Variants in LRRC39 observed in about 807,000 individuals in gnomAD.
The protein encoded by LRRC39 is leucine rich repeat containing 39.
In LRRC39, 35 loss-of-function variants were observed where a neutral mutation model predicts 39.7. The ratio of observed to expected loss-of-function variants is 0.88; its 90% CI spans 0.67 to 1.17. The LOEUF is 1.17. Among genes scored for constraint, LRRC39 ranks in the 50% most tolerant of loss-of-function variants. The pLI is 0.00. For missense variants in LRRC39, 357 were observed against 385.8 expected, an observed-to-expected ratio of 0.93 and a Z score of 0.62; for synonymous variants, 113 against 134.1, an observed-to-expected ratio of 0.84 and a Z score of 1.09.
At chr1:100,156,724 T>C (rs1658468385) in intron 6 of LRRC39, among the ~76,000 whole-genome samples, 1 of 152,192 alleles carries the variant, frequency 6.6e-6, no homozygotes, top group Non-Finnish European at 1.5e-5. Context: ...ATGCCTATAA[T>C]CCTAGCATTT....
chr1:100,159,536 A>G (rs1658716129), intron 4 of LRRC39, 121 bp from the exon 5 acceptor site: 2 of 584,758 alleles, frequency 3.4e-6, no homozygotes, highest in East Asian at 5.4e-5. Context: ...TGTTTTCCTT[A>G]GTGGGTTACT....
At chr1:100,151,259 C>G (rs1262959674) in intron 9 of LRRC39, among the ~76,000 whole-genome samples, 1 of 152,086 alleles carries the variant, frequency 6.6e-6, no homozygotes, top group Non-Finnish European at 1.5e-5. Context: ...TCCAGTTGCC[C>G]TCTAAACCAA....
intron 2 of LRRC39, among the ~76,000 whole-genome samples, chr1:100,171,564 G>A (rs754056326): frequency 1.1e-4 from 16 of 147,810 alleles, no homozygotes; most frequent in Non-Finnish European, 2.1e-4. Context: ...GTGCAGAGGC[G>A]TGATCTCGGC....
intron 3 of LRRC39, among the ~76,000 whole-genome samples, chr1:100,162,382 G>T (rs549307887): frequency 1.3e-5 from 2 of 152,102 alleles, no homozygotes; most frequent in African/African-American, 4.8e-5. Context: ...GGCCAGGCAC[G>T]GTGGCTCACA....
At chr1:100,151,059 G>A (rs958222496) in intron 9 of LRRC39, among the ~76,000 whole-genome samples, 5 of 130,310 alleles carry the variant, frequency 3.8e-5, no homozygotes, top group Admixed American at 9.9e-5. Context: ...CCTGGGAGGC[G>A]AAATTTGCCA....
chr1:100,173,908 A>C (rs1570781913), intron 1 of LRRC39, among the ~76,000 whole-genome samples: 1 of 152,216 alleles, frequency 6.6e-6, no homozygotes, highest in East Asian at 1.9e-4. Flanking sequence ...TATACAGAAA[A>C]CTAAAAATTA....
intron 2 of LRRC39, among the ~76,000 whole-genome samples, chr1:100,170,668 C>A (rs181187646): frequency 3.0e-4 from 46 of 152,016 alleles, no homozygotes. Context: ...ATCTTTATTT[C>A]TTTCGTTTCT....
chr1:100,158,513 C>T (rs1658635173), intron 5 of LRRC39, 146 bp from the exon 6 acceptor site: 2 of 592,788 alleles, frequency 3.4e-6, no homozygotes, highest in East Asian at 7.3e-5. Context: ...TCTCGGCTCA[C>T]TGCAAGCTCC....
intron 6 of LRRC39, 118 bp from the exon 7 acceptor site, chr1:100,156,435 A>C: frequency 2.2e-6 from 2 of 925,750 alleles, no homozygotes; most frequent in East Asian, 2.8e-5. Flanking sequence ...CTTGGGCTTT[A>C]TTTAGTCATA....
chr1:100,168,364 A>G, intron 3 of LRRC39, 40 bp downstream of exon 3: 1 of 1,432,058 alleles, frequency 7.0e-7, no homozygotes, highest in Non-Finnish European at 9.6e-7. Flanking sequence ...GATAATATGA[A>G]TTTTCACTAA....
intron 2 of LRRC39, among the ~76,000 whole-genome samples, chr1:100,171,448 G>GA (rs1659591197): frequency 6.7e-6 from 1 of 148,802 alleles, no homozygotes; most frequent in East Asian, 2.0e-4. Flanking sequence ...AAGATACCTG[G>GA]AAAAAAAGCC....
chr1:100,170,717 T>G (rs1304700478), intron 2 of LRRC39, among the ~76,000 whole-genome samples: 2 of 152,182 alleles, frequency 1.3e-5, no homozygotes, highest in Non-Finnish European at 2.9e-5. Context: ...TTCTTCTTTC[T>G]TTCTTTGCTC....
chr1:100,153,288 T>C (rs1658193859), intron 8 of LRRC39, among the ~76,000 whole-genome samples: 1 of 152,106 alleles, frequency 6.6e-6, no homozygotes, highest in South Asian at 2.1e-4. Flanking sequence ...GGAAGAAAAA[T>C]ACTTGAGGGA....
intron 1 of LRRC39, among the ~76,000 whole-genome samples, chr1:100,174,126 C>T (rs1659810421): frequency 6.6e-6 from 1 of 152,158 alleles, no homozygotes; most frequent in African/African-American, 2.4e-5. Flanking sequence ...AGCCCAGACA[C>T]TCTTGCCAAA....
chr1:100,149,151 ATT>A (rs1285053595), intron 9 of LRRC39, 54 bp from the exon 10 acceptor site: 1 of 1,554,180 alleles, frequency 6.4e-7, no homozygotes, highest in Admixed American at 2.2e-5. Context: ...GTTTGTATTA[ATT>A]TTGGAAATTT....
chr1:100,160,567 C>T lies in LRRC39; in HGVS notation c.118G>A (p.Val40Met). ...CTTACTCGTTCTTCCCAGATCCGCA[C>T]TAGCCTAGGAAACCAGGAAATCATT... Reference protein sequence around the residue: ...KREKEFQHKLVRIWEERVSLT... With the variant: ...KREKEFQHKLMRIWEERVSLT... Residue 40 changes from valine to methionine, a missense_variant, in exon 4 of 10, where the codon GTG becomes ATG. Val to Met is a conservative substitution (Grantham distance 21). Transcript: ENST00000370137. 4.4e-6 allele frequency: 7 copies of T among 1,608,636 alleles called. No individual in the cohort carries two copies. The highest frequency in any genetic ancestry group is 5.9e-6 in the Non-Finnish European group (7 of 1,177,546).
chr1:100,163,245 G>A (rs969668655), intron 3 of LRRC39, among the ~76,000 whole-genome samples: 6 of 152,158 alleles, frequency 3.9e-5, no homozygotes, highest in African/African-American at 1.4e-4. Flanking sequence ...GCAAGATTTA[G>A]TAACAAGTAA....
At chr1:100,164,719 T>G (rs942218952) in intron 3 of LRRC39, among the ~76,000 whole-genome samples, 3 of 152,008 alleles carry the variant, frequency 2.0e-5, no homozygotes, top group Admixed American at 1.3e-4. Flanking sequence ...TTTTTTTAAA[T>G]GAGACAGTGT....
chr1:100,157,063 A>G (rs1279025479), intron 6 of LRRC39, among the ~76,000 whole-genome samples: 2 of 152,220 alleles, frequency 1.3e-5, no homozygotes, highest in Non-Finnish European at 2.9e-5. Flanking sequence ...ACAAAAACAC[A>G]TGAGTTAGAA....
Sources: allele counts gnomAD v4.1 joint callset (sites outside exome capture counted in the v4.1 genomes callset), GRCh38; gene constraint gnomAD v4.1.1; transcripts MANE v1.5; gene names NCBI Gene and HGNC (gene_info 2026-07-23, HGNC 2026-07-21).